Variants in KLHL12 observed in about 807,000 individuals in gnomAD.
KLHL12 encodes kelch-like protein 12.
A neutral mutation model predicts 60.8 loss-of-function variants in KLHL12; 17 were observed. The observed-to-expected ratio is 0.28, with a 90% CI of 0.19 to 0.42. The LOEUF is 0.42. Ranked by LOEUF, KLHL12 falls within the 10% of genes least tolerant of loss-of-function variation. The pLI is 1.00. For synonymous variants in KLHL12, 220 were observed against 250.9 expected (o/e 0.88, Z 1.16); for missense variants, 468 against 722.3 (o/e 0.65, Z 4.04).
At chr1:202,910,158 T>G (rs992956421) in intron 5 of KLHL12, among the ~76,000 whole-genome samples, 1 of 152,168 alleles carries the variant, frequency 6.6e-6, no homozygotes, top group Non-Finnish European at 1.5e-5. Flanking sequence ...AACAAGAACC[T>G]ATGAGGAACG....
At chr1:202,912,320 T>C in intron 4 of KLHL12, 2 of 802,238 alleles carry the variant, frequency 2.5e-6, no homozygotes, top group East Asian at 4.8e-5. Flanking sequence ...AATACCATCC[T>C]ACGAATGGCC....
At chr1:202,918,116 A>C (rs1660576789) in intron 4 of KLHL12, 55 bp downstream of exon 4, 3 of 1,325,430 alleles carry the variant, frequency 2.3e-6, no homozygotes, top group African/African-American at 1.5e-5. Context: ...TCCTATTTGC[A>C]AGTTTTGTAA....
intron 1 of KLHL12, among the ~76,000 whole-genome samples, chr1:202,925,651 G>C (rs994489828): frequency 3.9e-5 from 6 of 152,124 alleles, no homozygotes; most frequent in Admixed American, 6.5e-5. Flanking sequence ...TTCTATCCTA[G>C]AAGTTGCACA....
intron 4 of KLHL12, among the ~76,000 whole-genome samples, 164 bp downstream of exon 4, chr1:202,918,007 T>C (rs1180152184): frequency 6.6e-6 from 1 of 152,172 alleles, no homozygotes; most frequent in Non-Finnish European, 1.5e-5. Flanking sequence ...AAACTCCCTC[T>C]CCATAAAAAT....
Position 202,893,255 on chromosome 1 carries a change from G to T in KLHL12, c.1564C>A (p.Leu522Ile). Residue 522 changes from leucine to isoleucine, a missense_variant, in exon 11 of 12, where the codon CTC becomes ATC. Physicochemically the swap from Leu to Ile is conservative, Grantham distance 5 (BLOSUM62 2). Transcript: ENST00000367261. This position sits in a 1 kb window ranked among gnomAD's most constrained non-coding sequence, Gnocchi z 4.1. ...AATCCTCACCCTGCAATTGCATAGA[G>T]TCTCCCCCGAAGCACTGTGGCCCCT... ...YVGATVLRGR[L>I]YAIAGYDGNS... 6.2e-7 allele frequency: 1 copy of T among 1,606,416 alleles called. No homozygotes were observed. Among genetic ancestry groups the T allele is most frequent in the Non-Finnish European group, 8.5e-7 (1 of 1,177,230 alleles).
intron 4 of KLHL12, chr1:202,911,743 C>G (rs1660368241): frequency 1.6e-6 from 1 of 640,694 alleles, no homozygotes; most frequent in Non-Finnish European, 2.8e-6. Context: ...TTTTCAAAAG[C>G]ATTATCGCCT....
Position 202,895,385 on chromosome 1 carries a change from C to T in KLHL12, c.1135+137G>A. ...CTCCAGCCTGGGCAACAGAGAGAGA[C>T]CCTGTCTCAAATAATAATAACATTT... On this transcript the variant is annotated intron_variant, in intron 8 of 11. Coordinates refer to ENST00000367261, the MANE Select transcript of KLHL12 (RefSeq NM_021633.4). The surrounding 1 kb of genome is among the most constrained non-coding windows in gnomAD (Gnocchi z 4.2). 1 of 750,232 alleles carries T rather than the reference C, an allele frequency of 1.3e-6. No individual in the cohort carries two copies. The highest frequency in any genetic ancestry group is 1.8e-5 in the African/African-American group (1 of 56,380). The allele number at this position is 750,232 out of a possible 1,614,324, so 46.5% of individuals were successfully genotyped here. A position where few individuals can be genotyped will look rare whatever the true frequency, so the allele number is the denominator to read the frequency against.
intron 2 of KLHL12, among the ~76,000 whole-genome samples, chr1:202,922,866 G>C (rs959202418): frequency 1.3e-5 from 2 of 150,646 alleles, no homozygotes; most frequent in African/African-American, 4.9e-5. Context: ...AAAAAAAAAA[G>C]AGAGAGAGAG....
chr1:202,906,688 G>A (rs567249928), intron 6 of KLHL12, among the ~76,000 whole-genome samples: 22 of 152,066 alleles, frequency 1.4e-4, no homozygotes, highest in Non-Finnish European at 2.9e-4. Flanking sequence ...TTGAGATGGA[G>A]TCTCACTCTG....
rs1048927961 is a variant in KLHL12 at position 202,919,736 on chromosome 1, C to A, written c.349+19G>T. On this transcript the variant is annotated intron_variant, in intron 3 of 11. Coordinates refer to ENST00000367261, the MANE Select transcript of KLHL12 (RefSeq NM_021633.4). ...AGGGCTATTTTGACATAAACAATAG[C>A]AAGTTTTAATGTCTGTACCTTTCAA... 3 of 1,580,402 alleles carry A rather than the reference C, an allele frequency of 1.9e-6. No individual in the cohort carries two copies. Among genetic ancestry groups the A allele is most frequent in the Non-Finnish European group, 2.6e-6 (3 of 1,166,230 alleles).
At chr1:202,920,115 A>G (rs1224050785) in intron 2 of KLHL12, among the ~76,000 whole-genome samples, 1 of 152,028 alleles carries the variant, frequency 6.6e-6, no homozygotes, top group Admixed American at 6.5e-5. Flanking sequence ...GGAATTCAAG[A>G]CCAGCCTGGC....
chr1:202,913,307 T>C (rs1050554622), intron 4 of KLHL12, among the ~76,000 whole-genome samples: 5 of 152,220 alleles, frequency 3.3e-5, no homozygotes, highest in Non-Finnish European at 7.3e-5. Context: ...ATAGAGGTCC[T>C]GTGCCCCTTC....
intron 2 of KLHL12, among the ~76,000 whole-genome samples, chr1:202,921,121 G>A (rs745316448): frequency 5.4e-5 from 8 of 149,398 alleles, no homozygotes; most frequent in Admixed American, 3.3e-4. Flanking sequence ...AGTGTTTCTC[G>A]TGCCTCAGCC....
chr1:202,892,733 G>A (rs1457158878), intron 11 of KLHL12, 74 bp from the exon 12 acceptor site: 8 of 1,516,546 alleles, frequency 5.3e-6, no homozygotes, highest in Non-Finnish European at 7.2e-6. Context: ...TCCCAACTAT[G>A]CAGGAGGCTG....
At chr1:202,926,257 A>T (rs2102465758) in intron 1 of KLHL12, among the ~76,000 whole-genome samples, 1 of 152,300 alleles carries the variant, frequency 6.6e-6, no homozygotes, top group Middle Eastern at 3.4e-3. Flanking sequence ...GTGAATGTCC[A>T]TTACTGTTAA....
chr1:202,898,521 G>A (rs1659909246), intron 6 of KLHL12, among the ~76,000 whole-genome samples: 1 of 152,188 alleles, frequency 6.6e-6, no homozygotes, highest in Admixed American at 6.5e-5. Context: ...TGATGAATAG[G>A]AAGGACCACA....
chr1:202,913,444 T>C (rs1012972794), intron 4 of KLHL12, among the ~76,000 whole-genome samples: 3 of 152,218 alleles, frequency 2.0e-5, no homozygotes, highest in Non-Finnish European at 4.4e-5. Flanking sequence ...AGTTCATTCA[T>C]TTGAGGGCTT....
At chr1:202,918,574 A>G (rs1354371799) in intron 3 of KLHL12, among the ~76,000 whole-genome samples, 186 bp from the exon 4 acceptor site, 1 of 152,234 alleles carries the variant, frequency 6.6e-6, no homozygotes, top group Non-Finnish European at 1.5e-5. Flanking sequence ...GTACTGTGCC[A>G]CTTTCAGCAA....
intron 6 of KLHL12, among the ~76,000 whole-genome samples, chr1:202,907,871 G>C (rs1234610972): frequency 6.6e-6 from 1 of 151,912 alleles, no homozygotes; most frequent in East Asian, 1.9e-4. Context: ...TCACGCCACT[G>C]CACTCCACCC....
Sources: allele counts gnomAD v4.1 joint callset (sites outside exome capture counted in the v4.1 genomes callset), GRCh38; gene constraint gnomAD v4.1.1; non-coding constraint Gnocchi (gnomAD v3.1); transcripts MANE v1.5; gene names NCBI Gene and HGNC (gene_info 2026-07-23, HGNC 2026-07-21).